PPM1E: variants seen among roughly 807,000 people sequenced by gnomAD.
PPM1E encodes the protein protein phosphatase 1E.
Under a neutral mutation model 65.9 loss-of-function variants are expected in PPM1E, and 20 were observed. The ratio of observed to expected loss-of-function variants is 0.30; its 90% CI spans 0.21 to 0.44. The LOEUF is 0.44. Ranked by LOEUF, PPM1E falls within the 20% of genes least tolerant of loss-of-function variation. The pLI is 1.00. For synonymous variants in PPM1E, 352 were observed against 374.9 expected (o/e 0.94, Z 0.70); for missense variants, 713 against 953.1 (o/e 0.75, Z 3.32).
At chr17:58,931,066 TAAAAAAAA>T (rs774968022) in intron 1 of PPM1E, among the ~76,000 whole-genome samples, 1 of 83,138 alleles carries the variant, frequency 1.2e-5, no homozygotes, top group South Asian at 4.1e-4. Context: ...ATACAAAAAT[TAAAAAAAA>T]AAAAAAAAAA....
chr17:58,922,876 G>A (rs2051770504), intron 1 of PPM1E, among the ~76,000 whole-genome samples: 1 of 151,336 alleles, frequency 6.6e-6, no homozygotes, highest in Non-Finnish European at 1.5e-5. Flanking sequence ...GAAGAGACGG[G>A]GTTTCACCAT....
rs1287910605 is a variant in PPM1E, at chr17:58,770,639, T to C, written c.464+14178T>C. Among the ~76,000 whole-genome samples, 3 of 152,168 alleles carry C rather than the reference T, an allele frequency of 2.0e-5. No individual in the cohort carries two copies. The East Asian group carries it at 5.8e-4, about 29-fold the overall frequency. Reference sequence around the variant, plus strand: ...ATAGCAAAAATTAGTGCCTCAATGTTGTTCAAACCAGCTAATTAAACATCA... The same window carrying C: ...ATAGCAAAAATTAGTGCCTCAATGTCGTTCAAACCAGCTAATTAAACATCA... On this transcript the variant is annotated intron_variant, in intron 1 of 6. Coordinates refer to ENST00000308249, the MANE Select transcript of PPM1E (RefSeq NM_014906.5).
chr17:58,960,296 A>C (rs1487420831), intron 2 of PPM1E, among the ~76,000 whole-genome samples: 1 of 152,328 alleles, frequency 6.6e-6, no homozygotes. Flanking sequence ...TTGTTTTTAC[A>C]GAAGCCACAG....
chr17:58,979,253 A>ATATAAGAGAAAT, intron 6 of PPM1E, among the ~76,000 whole-genome samples: 1 of 152,158 alleles, frequency 6.6e-6, no homozygotes, highest in Non-Finnish European at 1.5e-5. Flanking sequence ...ATAAGAGAAA[A>ATATAAGAGAAAT]ATGGCCATAC....
chr17:58,759,376 G>A (rs1041993653), intron 1 of PPM1E, among the ~76,000 whole-genome samples: 2 of 152,218 alleles, frequency 1.3e-5, no homozygotes, highest in East Asian at 3.8e-4. Flanking sequence ...CCTTTGAAAA[G>A]GTGGAGGTGA....
At chr17:58,837,720 T>G (rs879524271) in intron 1 of PPM1E, among the ~76,000 whole-genome samples, 3 of 152,054 alleles carry the variant, frequency 2.0e-5, no homozygotes, top group Non-Finnish European at 4.4e-5. Context: ...ATGGTCTCGA[T>G]CTCCTGACCT....
chr17:58,922,045 G>C (rs1182107), intron 1 of PPM1E, among the ~76,000 whole-genome samples: 1 of 111,588 alleles, frequency 9.0e-6, no homozygotes, highest in African/African-American at 3.4e-5. Context: ...ATCTCAAAAA[G>C]AAAAAAAAAA....
rs2031326403 is a variant in PPM1E, at chr17:58,980,996, T to C, written c.2233T>C (p.Cys745Arg). Residue 745 changes from cysteine (C) to arginine (R), a missense_variant, in exon 7 of 7, where the codon TGC becomes CGC. Transcript: ENST00000308249. This position sits in a 1 kb window ranked among gnomAD's most constrained non-coding sequence, Gnocchi z 4.7. The part of the protein sequence containing the change: ...RKLRKTHDIP[C>R]PDLPWSYKIE Reference sequence around the variant, plus strand: ...GCTCAGAAAGACTCATGATATTCCATGCCCAGATCTTCCTTGGAGCTATAA... The same window carrying C: ...GCTCAGAAAGACTCATGATATTCCACGCCCAGATCTTCCTTGGAGCTATAA... 1.2e-6 allele frequency: 2 copies of C among 1,612,144 alleles called. No individual in the cohort carries two copies. The highest frequency in any genetic ancestry group is 2.2e-5 in the South Asian group (2 of 90,576).
chr17:58,938,288 A>G (rs1390925640), intron 1 of PPM1E, among the ~76,000 whole-genome samples: 1 of 152,166 alleles, frequency 6.6e-6, no homozygotes, highest in Non-Finnish European at 1.5e-5. Flanking sequence ...GACTTTAAGC[A>G]CCTTTTCTAA....
intron 1 of PPM1E, among the ~76,000 whole-genome samples, chr17:58,833,815 G>C (rs1363837735): frequency 1.3e-5 from 2 of 152,186 alleles, no homozygotes; most frequent in African/African-American, 4.8e-5. Context: ...TCTTCAAACT[G>C]CTTTCCATAG....
intron 1 of PPM1E, among the ~76,000 whole-genome samples, chr17:58,919,904 T>C (rs116145743): frequency 0.022 from 3,419 of 152,254 alleles, 118 homozygotes; most frequent in African/African-American, 0.076. Flanking sequence ...AAAGGACATA[T>C]CTTATCTGGC....
intron 1 of PPM1E, among the ~76,000 whole-genome samples, chr17:58,950,182 T>C (rs1015721648): frequency 7.6e-6 from 1 of 131,630 alleles, no homozygotes; most frequent in East Asian, 1.9e-4. Context: ...ACCAACATGG[T>C]GAAACCCTGT....
chr17:58,970,964 G>GTGTTGT (rs146837832), intron 4 of PPM1E, among the ~76,000 whole-genome samples: 1 of 151,690 alleles, frequency 6.6e-6, no homozygotes, highest in Non-Finnish European at 1.5e-5. Context: ...TCAAAATTAT[G>GTGTTGT]TGTTGTTGTT....
intron 1 of PPM1E, among the ~76,000 whole-genome samples, chr17:58,785,970 A>G (rs1227293261): frequency 7.2e-6 from 1 of 139,134 alleles, no homozygotes; most frequent in Non-Finnish European, 1.7e-5. Context: ...CAACCTCAGC[A>G]TATGATTTTT....
rs1226139023 is a variant in PPM1E, at chr17:58,937,879, C to CAAAAAAA, written c.465-17760_465-17754dup. On this transcript the variant is annotated intron_variant, in intron 1 of 6. Transcript: ENST00000308249. ...TGGGCAACAGAGTGAGACTCCATCT[C>CAAAAAAA]AAAAAAAAAAAAAAAAGAAAGAAAG... is the stretch of plus-strand genomic sequence containing the variant. 4.2e-3 allele frequency among the ~76,000 whole-genome samples: 344 copies of CAAAAAAA among 82,784 alleles called. 5 individuals are homozygous for CAAAAAAA. Among genetic ancestry groups the CAAAAAAA allele is most frequent in the African/African-American group, 0.015 (290 of 19,990 alleles). 54.3% of individuals were successfully genotyped at this position (82,784 alleles called of 152,430 possible).
At position 58,972,802 on chromosome 17, in the gene PPM1E, T is replaced by C. The variant is rs556765429; in HGVS notation, c.1117-30T>C. On this transcript the variant is annotated intron_variant, in intron 5 of 6. Transcript: ENST00000308249. ...AATGAATAAATCCTGAATCCAGTTA[T>C]TTGCTTCTTTTTATTGCATTGCTGT... is the stretch of plus-strand genomic sequence containing the variant. 14 of 1,550,564 alleles carry C rather than the reference T, an allele frequency of 9.0e-6. No individual in the cohort carries two copies. In the African/African-American group the frequency reaches 1.9e-4, roughly 21 times the overall value.
intron 1 of PPM1E, among the ~76,000 whole-genome samples, chr17:58,832,339 A>ATC (rs1448133382): frequency 6.6e-6 from 1 of 152,146 alleles, no homozygotes; most frequent in Non-Finnish European, 1.5e-5. Flanking sequence ...GTAAATTATT[A>ATC]TCATTTTCTT....
intron 1 of PPM1E, among the ~76,000 whole-genome samples, chr17:58,941,167 T>C (rs2052061180): frequency 6.6e-6 from 1 of 152,218 alleles, no homozygotes; most frequent in African/African-American, 2.4e-5. Context: ...AGATTAGGTC[T>C]GTGAAGAAAC....
intron 1 of PPM1E, among the ~76,000 whole-genome samples, 192 bp downstream of exon 1, chr17:58,756,653 CCCCCA>C (rs2144119359): frequency 4.6e-5 from 1 of 21,684 alleles, no homozygotes; most frequent in Non-Finnish European, 1.0e-4. Flanking sequence ...CCCGCCTCGG[CCCCCA>C]CGCCCGCCTC....
Sources: allele counts gnomAD v4.1 joint callset (sites outside exome capture counted in the v4.1 genomes callset), GRCh38; gene constraint gnomAD v4.1.1; non-coding constraint Gnocchi (gnomAD v3.1); transcripts MANE v1.5; gene names NCBI Gene and HGNC (gene_info 2026-07-23, HGNC 2026-07-21).